Variants in MCMBP observed in about 807,000 individuals in gnomAD.
MCMBP encodes the protein mini-chromosome maintenance complex-binding protein.
MCMBP carries 31 observed loss-of-function variants against 81.3 expected under a neutral mutation model. The observed-to-expected ratio is 0.38, with a 90% confidence interval of 0.29 to 0.51. MCMBP has a LOEUF of 0.51. MCMBP is among the 20% of genes least tolerant of loss of function. MCMBP has a pLI of 0.87. For missense variants in MCMBP, 645 were observed against 772.1 expected (o/e 0.84, Z 1.95); for synonymous variants, 267 against 275.9 (o/e 0.97, Z 0.32).
chr10:119,872,109 T>G (rs1767662286), intron 1 of MCMBP, among the ~76,000 whole-genome samples: 1 of 152,160 alleles, frequency 6.6e-6, no homozygotes, highest in Non-Finnish European at 1.5e-5. Context: ...AAATATCCTG[T>G]GGGCTTCCCA....
intron 7 of MCMBP, 64 bp from the exon 8 acceptor site, chr10:119,847,777 G>T: frequency 1.1e-6 from 1 of 892,024 alleles, no homozygotes; most frequent in South Asian, 1.6e-5. Flanking sequence ...TATTAGTCTT[G>T]AAGTACCAAT....
rs34118671 is a variant in MCMBP at position 119,836,986 on chromosome 10, C to T, written c.1452G>A (p.Gln484=). 0.12 allele frequency: 186,759 copies of T among 1,612,724 alleles called. 11,659 individuals carry two copies. The highest frequency in any genetic ancestry group is 0.18 in the South Asian group (15,961 of 90,792). The change falls in exon 13 of 16, where the codon CAG becomes CAA. Residue 484 remains glutamine (Q), a synonymous_variant. Coordinates refer to ENST00000369077, the MANE Select transcript of MCMBP (RefSeq NM_001256378.2). ...GGTAGCTGAAGTCATAATCCACCTT[C>T]TGCCACGTTATGAGGTTGCTCAGGG... The part of the protein sequence containing the change: ...VTALSNLITW[Q]KVDYDFSYHQ...
rs116737320 is a variant in MCMBP, at chr10:119,859,703, A to G, written c.144+96T>C. 4.0e-3 allele frequency: 2,947 copies of G among 743,648 alleles called. 59 individuals carry two copies. The African/African-American group carries it at 0.046, about 12-fold the overall frequency. 46.1% of individuals were successfully genotyped at this position (743,648 alleles called of 1,614,324 possible). On this transcript the variant is annotated intron_variant, in intron 2 of 15. Transcript: ENST00000369077. ...TTGAAGCAGAAGTACATTAATTTAC[A>G]TATTTTTAAATTACATGTGGGTTAC...
intron 4 of MCMBP, chr10:119,858,337 G>T (rs995735013): frequency 3.3e-5 from 5 of 151,526 alleles, no homozygotes; most frequent in African/African-American, 9.7e-5. Flanking sequence ...AGAAAGAAAG[G>T]CAAACAAAAA....
At chr10:119,870,191 G>C (rs1030728369) in intron 1 of MCMBP, among the ~76,000 whole-genome samples, 1 of 152,208 alleles carries the variant, frequency 6.6e-6, no homozygotes, top group Admixed American at 6.5e-5. Context: ...GCTCACGCCT[G>C]TAATCCCAGC....
intron 6 of MCMBP, among the ~76,000 whole-genome samples, chr10:119,850,440 T>C (rs1852770302): frequency 6.6e-6 from 1 of 152,104 alleles, no homozygotes; most frequent in African/African-American, 2.4e-5. Flanking sequence ...CACATGAATC[T>C]ACCTATGCGA....
At position 119,843,467 on chromosome 10, in the gene MCMBP, A is replaced by G. The variant is rs190518964; in HGVS notation, c.828-41T>C. 1.7e-4 allele frequency: 268 copies of G among 1,579,494 alleles called. 1 individual carries two copies. In the East Asian group the frequency reaches 3.5e-3, roughly 21 times the overall value. On this transcript the variant is annotated intron_variant, in intron 8 of 15. Transcript: ENST00000369077. ...AAAGTTTCAATTTAGAGAGACATCA[A>G]TTGCACAGATGCAAAAATAATGTGC...
intron 5 of MCMBP, 149 bp from the exon 6 acceptor site, chr10:119,853,343 G>C (rs1383130344): frequency 2.6e-6 from 2 of 756,048 alleles, no homozygotes; most frequent in Non-Finnish European, 4.2e-6. Context: ...TCCAGTTCTG[G>C]TCATGAGAAT....
chr10:119,844,935 C>T (rs1482354457), intron 8 of MCMBP, among the ~76,000 whole-genome samples: 1 of 152,182 alleles, frequency 6.6e-6, no homozygotes, highest in Admixed American at 6.5e-5. Context: ...GGCTTCCCTA[C>T]TTTTGAGATT....
At chr10:119,832,130 T>C (rs1164768560) in intron 14 of MCMBP, 30 bp from the exon 15 acceptor site, 4 of 1,587,876 alleles carry the variant, frequency 2.5e-6, no homozygotes, top group Non-Finnish European at 3.4e-6. Flanking sequence ...GTAAATGATG[T>C]GCATTTTTGT....
Position 119,857,659 on chromosome 10 carries a change from A to G in MCMBP, c.328-220T>C, listed in dbSNP as rs1853100572. The G allele has an allele frequency of 7.9e-6, 3 of 379,188 alleles. No individual in the cohort carries two copies. The Admixed American group carries it at 1.2e-4, about 16-fold the overall frequency. The allele number at this position is 379,188 out of a possible 1,614,324, so 23.5% of individuals were successfully genotyped here. ...CACTTCCTCCCTCAAATCCAGAAAAATGGGACCTCTGGAGTGACTTATAAT... is the reference window on the plus strand; with the variant it reads ...CACTTCCTCCCTCAAATCCAGAAAAGTGGGACCTCTGGAGTGACTTATAAT... On this transcript the variant is annotated intron_variant, in intron 4 of 15. Transcript: ENST00000369077.
chr10:119,871,911 T>C (rs1247154632), intron 1 of MCMBP, among the ~76,000 whole-genome samples: 1 of 152,228 alleles, frequency 6.6e-6, no homozygotes, highest in Non-Finnish European at 1.5e-5. Flanking sequence ...CAAACTCAAG[T>C]AGCTCAATAT....
intron 1 of MCMBP, among the ~76,000 whole-genome samples, chr10:119,863,599 C>T (rs1382845659): frequency 2.6e-5 from 4 of 151,704 alleles, no homozygotes; most frequent in Non-Finnish European, 4.4e-5. Flanking sequence ...CGTGGTGGCA[C>T]ACGCCTGTAA....
chr10:119,859,947 C>A, intron 1 of MCMBP, 63 bp from the exon 2 acceptor site: 1 of 1,232,352 alleles, frequency 8.1e-7, no homozygotes, highest in South Asian at 1.3e-5. Flanking sequence ...AGACTATGAT[C>A]AGGTGAGTCA....
intron 14 of MCMBP, 37 bp from the exon 15 acceptor site, chr10:119,832,137 T>G: frequency 6.3e-7 from 1 of 1,578,868 alleles, no homozygotes; most frequent in Middle Eastern, 1.7e-4. Context: ...ATGTGCATTT[T>G]TGTAAGGAAA....
chr10:119,844,787 C>T (rs888883261), intron 8 of MCMBP, among the ~76,000 whole-genome samples: 10 of 149,078 alleles, frequency 6.7e-5, no homozygotes, highest in Non-Finnish European at 1.2e-4. Context: ...CTTCCGCCTC[C>T]ACCTTTCTCT....
rs1409498461 is a variant in MCMBP, at chr10:119,872,836, C to A, written c.-252G>T. On this transcript the variant is annotated 5_prime_UTR_variant, in exon 1 of 16. Coordinates refer to ENST00000369077, the MANE Select transcript of MCMBP (RefSeq NM_001256378.2). ...GCGTACGGGCCCCTAGCCTTCACTT[C>A]GCACAATGGCGGGAAATAGCCGCCG... 1 of 162,446 alleles carries A rather than the reference C, an allele frequency of 6.2e-6. No individual in the cohort carries two copies. Among genetic ancestry groups the A allele is most frequent in the Non-Finnish European group, 1.3e-5 (1 of 75,314 alleles). 10.1% of individuals were successfully genotyped at this position (162,446 alleles called of 1,614,324 possible). A position where few individuals can be genotyped will look rare whatever the true frequency, so the allele number is the denominator to read the frequency against.
In MCMBP at chr10:119,853,214, A is replaced by G. The variant is rs746059503; in HGVS notation, c.430-20T>C. On this transcript the variant is annotated intron_variant, in intron 5 of 15. Coordinates refer to ENST00000369077, the MANE Select transcript of MCMBP (RefSeq NM_001256378.2). ...ATAGGCGTTAAACGAAAAGTTAAGA[A>G]AAGACTATCATAAACTGAGGAATAT... 6.2e-7 allele frequency: 1 copy of G among 1,609,766 alleles called. No individual in the cohort carries two copies. Among genetic ancestry groups the G allele is most frequent in the South Asian group, 1.1e-5 (1 of 90,498 alleles).
rs762769980 is a variant in MCMBP, at chr10:119,835,560, T to C, written c.1687A>G (p.Ile563Val). The part of the protein sequence containing the change: ...LTLLRFLEYS[I>V]SDEITKAVED... ...CATACCTTGGTTATTTCATCAGATA[T>C]GCTATATTCCAAGAATCTCAAAAGA... Residue 563 changes from isoleucine to valine, a missense_variant, in exon 14 of 16, where the codon ATA becomes GTA. Physicochemically the swap from Ile to Val is conservative, Grantham distance 29. Transcript: ENST00000369077. 4 of 1,613,886 alleles carry C rather than the reference T, an allele frequency of 2.5e-6. No individual in the cohort carries two copies. The highest frequency in any genetic ancestry group is 1.3e-5 in the African/African-American group (1 of 74,942).
Sources: gnomAD v4.1 joint callset for allele counts (sites outside exome capture counted in the v4.1 genomes callset) on GRCh38, gnomAD v4.1.1 for gene constraint, MANE v1.5 for transcripts, NCBI Gene and HGNC (gene_info 2026-07-23, HGNC 2026-07-21) for gene names.